DNAH5: variants seen among roughly 807,000 people sequenced by gnomAD.
DNAH5 encodes the protein axonemal beta dynein heavy chain 5.
Under a neutral mutation model 518.2 loss-of-function variants are expected in DNAH5, and 372 were observed. The ratio of observed to expected loss-of-function variants is 0.72; its 90% CI spans 0.66 to 0.78. DNAH5 has a LOEUF of 0.78. Among genes scored for constraint, DNAH5 ranks in the 30% least tolerant of loss-of-function variants. DNAH5 has a pLI of 0.00. For synonymous variants in DNAH5, 2,039 were observed against 2,025.9 expected, an observed-to-expected ratio of 1.01 and a Z score of -0.17; for missense variants, 5,523 against 5,687.0, an observed-to-expected ratio of 0.97 and a Z score of 0.93.
chr5:13,736,074 G>T, intron 66 of DNAH5, 142 bp from the exon 67 acceptor site: 1 of 681,702 alleles, frequency 1.5e-6, no homozygotes, highest in Non-Finnish European at 2.7e-6. Context: ...GATACAAAGC[G>T]ATATTCATTT....
Position 13,770,997 on chromosome 5 carries a change from T to C in DNAH5, c.9374-17A>G, listed in dbSNP as rs776814443. Reference sequence around the variant, plus strand: ...GTTCAGACACTAGAGAGAATAAAGATGACAGTGTGTGAAATATGTATGTAA... The same window carrying C: ...GTTCAGACACTAGAGAGAATAAAGACGACAGTGTGTGAAATATGTATGTAA... On this transcript the variant is annotated splice_polypyrimidine_tract_variant and intron_variant, in intron 55 of 78. Coordinates refer to ENST00000265104, the MANE Select transcript of DNAH5 (RefSeq NM_001369.3). 2.0e-5 allele frequency: 31 copies of C among 1,557,106 alleles called. No homozygotes were observed. The highest frequency in any genetic ancestry group is 2.7e-5 in the Non-Finnish European group (30 of 1,128,776).
intron 1 of DNAH5, among the ~76,000 whole-genome samples, chr5:13,981,230 G>A (rs1013240193): frequency 3.9e-5 from 6 of 152,184 alleles, no homozygotes; most frequent in African/African-American, 1.2e-4. Context: ...TGTTCAAAAC[G>A]TGTGTTGAGT....
Position 13,727,636 on chromosome 5 carries a change from C to A in DNAH5, c.11904G>T (p.Met3968Ile), listed in dbSNP as rs377633103. The change falls in exon 70 of 79, where the codon ATG becomes ATT. Residue 3968 changes from methionine to isoleucine, a missense_variant. This residue lies in a region of DNAH5 where 5,121 missense variants were observed against 5,223.3 expected (regional missense o/e 0.98). Transcript: ENST00000265104. ...TTTCCTTATCAAACCAAATTTTCCA[C>A]ATTTTCTCATTTCTCGATATCTGAA... ...VLDQISRNEK[M>I]WKIWFDKENP... 1.9e-6 allele frequency: 3 copies of A among 1,613,818 alleles called. No individual in the cohort carries two copies. In the East Asian group the frequency reaches 6.7e-5, roughly 36 times the overall value.
At chr5:13,797,374 C>T (rs1757996126) in intron 47 of DNAH5, among the ~76,000 whole-genome samples, 2 of 152,048 alleles carry the variant, frequency 1.3e-5, no homozygotes, top group South Asian at 4.1e-4. Flanking sequence ...AACAAACAAC[C>T]CCATCAATAG....
At chr5:13,884,148 C>A (rs1772051455) in intron 19 of DNAH5, among the ~76,000 whole-genome samples, 1 of 151,894 alleles carries the variant, frequency 6.6e-6, no homozygotes, top group Admixed American at 6.6e-5. Flanking sequence ...ATGAGGAAAC[C>A]ACCTGGAAAG....
In DNAH5 at chr5:13,922,127, G is replaced by A; in HGVS notation, c.640C>T (p.Gln214Ter). 1.2e-6 allele frequency: 2 copies of A among 1,614,022 alleles called. No individual in the cohort carries two copies. Among genetic ancestry groups the A allele is most frequent in the Non-Finnish European group, 1.7e-6 (2 of 1,179,984 alleles). The change falls in exon 5 of 79, where the codon CAG becomes TAG. Residue 214 changes from glutamine (Q) to a stop codon, truncating the protein, a stop_gained. Transcript: ENST00000265104. LOFTEE classifies it high-confidence loss of function. ...CTCACCTTCTCCTTCAGACTCTCCT[G>A]TGCACCCGACAGGACGTTCACAAAG... ...EGFVNVLSGA[Q>*]ESLKEKVNLR...
chr5:13,721,869 T>A (rs1161382047), intron 70 of DNAH5, among the ~76,000 whole-genome samples: 1 of 152,140 alleles, frequency 6.6e-6, no homozygotes, highest in Non-Finnish European at 1.5e-5. Flanking sequence ...TAGAAAAAAA[T>A]TATGGTAACA....
In DNAH5 at chr5:13,884,172, T is replaced by C. The variant is rs148155111; in HGVS notation, c.2983+817A>G. Among the ~76,000 whole-genome samples, 570 of 152,284 alleles carry C rather than the reference T, an allele frequency of 3.7e-3. 6 individuals are homozygous for C. Among genetic ancestry groups the C allele is most frequent in the African/African-American group, 0.013 (542 of 41,566 alleles). On this transcript the variant is annotated intron_variant, in intron 19 of 78. Coordinates refer to ENST00000265104, the MANE Select transcript of DNAH5 (RefSeq NM_001369.3). ...CCACCTGGAAAGTACTAAATTAGCA[T>C]AAAAATAGTAAAATACATATATATC...
rs746195871 is a variant in DNAH5, at chr5:13,916,392, G to A, written c.1153C>T (p.His385Tyr). The change falls in exon 9 of 79, where the codon CAT becomes TAT. Residue 385 changes from histidine to tyrosine, a missense_variant. Transcript: ENST00000265104. Reference protein sequence around the residue: ...NAIKMIYSISHYYNTSEKITS... With the variant: ...NAIKMIYSISYYYNTSEKITS... ...ATCTTCTCAGAGGTATTATAGTAAT[G>A]AGAGATACTATAGATCATTTTAATT... 5.2e-6 allele frequency: 8 copies of A among 1,542,504 alleles called. No individual in the cohort carries two copies. Among genetic ancestry groups the A allele is most frequent in the South Asian group, 1.1e-5 (1 of 89,554 alleles).
At chr5:13,890,586 C>T (rs1773087507) in intron 17 of DNAH5, among the ~76,000 whole-genome samples, 2 of 151,992 alleles carry the variant, frequency 1.3e-5, no homozygotes, top group Non-Finnish European at 2.9e-5. Flanking sequence ...GTTTGGGAAA[C>T]CCCCCCTCAA....
rs763160068 is a variant in DNAH5, at chr5:13,717,459, T to A, written c.12561A>T (p.Ala4187=). The change falls in exon 73 of 79, where the codon GCA becomes GCT. Residue 4187 remains alanine, a synonymous_variant. Coordinates refer to ENST00000265104, the MANE Select transcript of DNAH5 (RefSeq NM_001369.3). The part of the protein sequence containing the change: ...SGSQWKPMLY[A]VAFLHSTVQE... ...GGACAGTGGAGTGCAGGAAAGCCAC[T>A]GCGTACAGCATGGGCTTCCACTGGG... The A allele has an allele frequency of 1.9e-6, 3 of 1,614,060 alleles. No homozygotes were observed. In the African/African-American group the frequency reaches 4.0e-5, roughly 22 times the overall value.
At chr5:13,902,494 A>G (rs1420449603) in intron 12 of DNAH5, among the ~76,000 whole-genome samples, 1 of 152,196 alleles carries the variant, frequency 6.6e-6, no homozygotes, top group Non-Finnish European at 1.5e-5. Context: ...GCTGCCCAGT[A>G]CATGCAAAGG....
intron 16 of DNAH5, 62 bp from the exon 17 acceptor site, chr5:13,891,183 A>G (rs1773172457): frequency 2.6e-6 from 4 of 1,559,396 alleles, no homozygotes; most frequent in Admixed American, 1.7e-5. Flanking sequence ...TTTTAAAAAA[A>G]TCAACACTTG....
chr5:13,896,602 CA>C (rs1166935333), intron 15 of DNAH5: 1 of 152,190 alleles, frequency 6.6e-6, no homozygotes, highest in African/African-American at 2.4e-5. Flanking sequence ...ATAAGTTCTA[CA>C]AGGACAAGAA....
At chr5:13,747,502 C>A (rs2126672455) in intron 65 of DNAH5, among the ~76,000 whole-genome samples, 1 of 152,334 alleles carries the variant, frequency 6.6e-6, no homozygotes, top group Non-Finnish European at 1.5e-5. Context: ...TACAGTCCCA[C>A]CAACAGTGTA....
intron 1 of DNAH5, among the ~76,000 whole-genome samples, chr5:13,993,511 G>C (rs557703345): frequency 6.6e-6 from 1 of 152,294 alleles, no homozygotes; most frequent in Admixed American, 6.5e-5. Context: ...ACAAAATATA[G>C]ATTACATAGA....
chr5:13,724,249 C>T (rs561672633), intron 70 of DNAH5, among the ~76,000 whole-genome samples: 4 of 152,314 alleles, frequency 2.6e-5, no homozygotes, highest in South Asian at 4.1e-4. Flanking sequence ...ATGCAGGACA[C>T]GGGGTCAAAG....
intron 33 of DNAH5, among the ~76,000 whole-genome samples, chr5:13,841,438 A>G (rs1765150348): frequency 1.3e-5 from 2 of 152,206 alleles, no homozygotes; most frequent in South Asian, 4.1e-4. Flanking sequence ...TTGATTAGGG[A>G]AAAAACCGTT....
rs200983202 is a variant in DNAH5 at position 13,758,938 on chromosome 5, C to G, written c.10327G>C (p.Asp3443His). ...AACTCGGCCTGGGCTTTCTGCAGAT[C>G]CTGCATGGCCAGGAGATGGCGATTC... ...QENRHLLAMQ[D>H]LQKAQAELDD... Residue 3443 changes from aspartate to histidine, a missense_variant, in exon 61 of 79, where the codon GAT becomes CAT. This residue lies in a region of DNAH5 where 5,121 missense variants were observed against 5,223.3 expected (regional missense o/e 0.98). Transcript: ENST00000265104. 1.1e-5 allele frequency: 17 copies of G among 1,614,188 alleles called. No homozygotes were observed. In the East Asian group the frequency reaches 2.0e-4, roughly 19 times the overall value.
Sources: gnomAD v4.1 joint callset for allele counts (sites outside exome capture counted in the v4.1 genomes callset) on GRCh38, gnomAD v4.1.1 for gene constraint, gnomAD v4.1.1 regional missense constraint, MANE v1.5 for transcripts, NCBI Gene and HGNC (gene_info 2026-07-23, HGNC 2026-07-21) for gene names.